CADM1: variants seen among roughly 807,000 people sequenced by gnomAD.
CADM1 encodes the protein TSLC-1.
Under a neutral mutation model 53.1 loss-of-function variants are expected in CADM1, and 15 were observed. That is an observed-to-expected ratio of 0.28 (90% CI 0.19 to 0.44). The LOEUF (loss-of-function observed/expected upper bound fraction) is 0.44. CADM1 is among the 20% of genes least tolerant of loss of function. CADM1 has a pLI of 1.00. For missense variants in CADM1, 434 were observed against 611.3 expected (o/e 0.71, Z 3.06); for synonymous variants, 281 against 243.0 (o/e 1.16, Z -1.45).
intron 2 of CADM1, 58 bp from the exon 3 acceptor site, chr11:115,238,710 C>T (rs1379102124): frequency 7.7e-6 from 12 of 1,560,024 alleles, no homozygotes; most frequent in Non-Finnish European, 9.7e-6. Context: ...AGTCTATTTT[C>T]CTTAATTATT....
rs367761071 is a variant in CADM1 at position 115,447,282 on chromosome 11, G to A, written c.124+56989C>T. ...AAATCTAATTTTGAAATGTGAACCT[G>A]CCATTTATTAAGTATATGACCCTGA... is the stretch of plus-strand genomic sequence containing the variant. On this transcript the variant is annotated intron_variant, in intron 1 of 11. Transcript: ENST00000331581. Among the ~76,000 whole-genome samples the A allele has an allele frequency of 2.1e-4, 32 of 152,252 alleles. No homozygotes were observed. In the South Asian group the frequency reaches 5.0e-3, roughly 24 times the overall value.
At chr11:115,206,755 C>CTTGTTTTTTTTTTT in intron 8 of CADM1, among the ~76,000 whole-genome samples, 1 of 5,444 alleles carries the variant, frequency 1.8e-4, no homozygotes, top group East Asian at 0.011. Context: ...TGACTGTGGA[C>CTTGTTTTTTTTTTT]TTCTTTTTTT....
chr11:115,350,225 C>G (rs993819314), intron 1 of CADM1, among the ~76,000 whole-genome samples: 8 of 152,222 alleles, frequency 5.3e-5, no homozygotes. Context: ...CCCGCCTCAG[C>G]CTCCCAAAGT....
At chr11:115,479,378 A>C (rs1435128588) in intron 1 of CADM1, among the ~76,000 whole-genome samples, 1 of 152,172 alleles carries the variant, frequency 6.6e-6, no homozygotes, top group Non-Finnish European at 1.5e-5. Flanking sequence ...AATTCATCTT[A>C]AATAGATTCA....
Position 115,386,676 on chromosome 11 carries a change from C to T in CADM1, c.124+117595G>A, listed in dbSNP as rs1040223890. 2.0e-5 allele frequency among the ~76,000 whole-genome samples: 3 copies of T among 148,718 alleles called. No individual in the cohort carries two copies. In the East Asian group the frequency reaches 6.1e-4, roughly 30 times the overall value. Reference sequence around the variant, plus strand: ...TATTAGTCTATAACTCATTAATCCACTAATCCATGAATAGATTAATCAATT... The same window carrying T: ...TATTAGTCTATAACTCATTAATCCATTAATCCATGAATAGATTAATCAATT... On this transcript the variant is annotated intron_variant, in intron 1 of 11. Transcript: ENST00000331581.
chr11:115,278,964 G>C (rs1943516693), intron 1 of CADM1, among the ~76,000 whole-genome samples: 1 of 152,172 alleles, frequency 6.6e-6, no homozygotes, highest in Non-Finnish European at 1.5e-5. Context: ...GGAGGACGTG[G>C]GCAGGGAAAA....
chr11:115,219,687 T>A lies in CADM1; in HGVS notation c.722-1696A>T, dbSNP rs776335784. Among the ~76,000 whole-genome samples the A allele has an allele frequency of 2.6e-5, 4 of 152,160 alleles. No homozygotes were observed. The South Asian group carries it at 6.2e-4, about 24-fold the overall frequency. On this transcript the variant is annotated intron_variant, in intron 5 of 11. Transcript: ENST00000331581. Reference sequence around the variant, plus strand: ...CTTGTAAAGGATAAACAGGATGACCTTGAACCAGCACTGGGTGGCTCAAGA... The same window carrying A: ...CTTGTAAAGGATAAACAGGATGACCATGAACCAGCACTGGGTGGCTCAAGA...
rs541992177 is a variant in CADM1 at position 115,431,661 on chromosome 11, A to C, written c.124+72610T>G. ...CTGCCCAGATCTCTGACTCCAGCTA[A>C]TGGCTTTCTTTCAATTCCTTTAAGG... On this transcript the variant is annotated intron_variant, in intron 1 of 11. Coordinates refer to ENST00000331581, the MANE Select transcript of CADM1 (RefSeq NM_001301043.2). 4.5e-4 allele frequency among the ~76,000 whole-genome samples: 68 copies of C among 152,042 alleles called. No homozygotes were observed. The South Asian group carries it at 0.013, about 30-fold the overall frequency.
intron 8 of CADM1, among the ~76,000 whole-genome samples, chr11:115,201,509 T>C (rs1402290205): frequency 2.6e-5 from 4 of 152,166 alleles, no homozygotes; most frequent in African/African-American, 4.8e-5. Context: ...GGTATCTTAA[T>C]CAGAAAACTG....
chr11:115,293,917 C>T (rs751688089), intron 1 of CADM1, among the ~76,000 whole-genome samples: 1 of 152,146 alleles, frequency 6.6e-6, no homozygotes, highest in Non-Finnish European at 1.5e-5. Flanking sequence ...AGGTACTCTA[C>T]GGTCTGAACT....
In CADM1 at chr11:115,282,580, T is replaced by C. The variant is rs192645020; in HGVS notation, c.125-42160A>G. Among the ~76,000 whole-genome samples the C allele has an allele frequency of 2.1e-3, 318 of 152,316 alleles. 1 individual carries two copies. Among genetic ancestry groups the C allele is most frequent in the African/African-American group, 7.3e-3 (303 of 41,566 alleles). On this transcript the variant is annotated intron_variant, in intron 1 of 11. Coordinates refer to ENST00000331581, the MANE Select transcript of CADM1 (RefSeq NM_001301043.2). The stretch of plus-strand genomic sequence containing the variant: ...GCCCACAGCTTTGTTCCCTCATTCA[T>C]TTCTAGGAAAGTGTTGGCAATTTGC...
intron 1 of CADM1, among the ~76,000 whole-genome samples, chr11:115,280,726 G>A (rs1448421429): frequency 6.6e-6 from 1 of 152,240 alleles, no homozygotes; most frequent in Non-Finnish European, 1.5e-5. Context: ...AAACAAGGCA[G>A]TCTGTTCCGA....
At chr11:115,494,624 C>T (rs908846507) in intron 1 of CADM1, among the ~76,000 whole-genome samples, 3 of 152,042 alleles carry the variant, frequency 2.0e-5, no homozygotes, top group African/African-American at 7.2e-5. Context: ...CTGAGTACAT[C>T]CTGAATTAAT....
At chr11:115,315,246 C>T (rs1331862209) in intron 1 of CADM1, among the ~76,000 whole-genome samples, 2 of 152,086 alleles carry the variant, frequency 1.3e-5, no homozygotes, top group Admixed American at 1.3e-4. Flanking sequence ...AAATTAAACC[C>T]AAACCTATTA....
At chr11:115,367,270 T>C (rs1946189089) in intron 1 of CADM1, among the ~76,000 whole-genome samples, 2 of 152,232 alleles carry the variant, frequency 1.3e-5, no homozygotes, top group Admixed American at 6.5e-5. Flanking sequence ...ACTTCTCTTT[T>C]GTATGATATC....
At chr11:115,494,197 T>C (rs576154054) in intron 1 of CADM1, among the ~76,000 whole-genome samples, 3 of 152,274 alleles carry the variant, frequency 2.0e-5, no homozygotes, top group East Asian at 3.9e-4. Context: ...GTAAAGTAAA[T>C]ACAAGTATTC....
At chr11:115,250,145 T>C (rs998976426) in intron 1 of CADM1, among the ~76,000 whole-genome samples, 11 of 152,274 alleles carry the variant, frequency 7.2e-5, no homozygotes, top group Admixed American at 2.0e-4. Context: ...CCTCGTGATC[T>C]GCCTGCCTCA....
intron 5 of CADM1, among the ~76,000 whole-genome samples, chr11:115,223,488 T>C (rs1941481668): frequency 1.3e-5 from 2 of 152,176 alleles, no homozygotes; most frequent in Admixed American, 6.5e-5. Context: ...AAGTATTCAA[T>C]GTCCACAGCC....
intron 1 of CADM1, among the ~76,000 whole-genome samples, chr11:115,330,962 T>C (rs1482054098): frequency 1.3e-5 from 2 of 152,084 alleles, no homozygotes; most frequent in African/African-American, 4.8e-5. Context: ...ACAGGGTACA[T>C]GTTGAGCAGG....
Sources: allele counts gnomAD v4.1 joint callset (sites outside exome capture counted in the v4.1 genomes callset), GRCh38; gene constraint gnomAD v4.1.1; transcripts MANE v1.5; gene names NCBI Gene and HGNC (gene_info 2026-07-23, HGNC 2026-07-21).